The following TSPEAR variants were observed in gnomAD, a reference collection of about 807,000 sequenced individuals.
The protein encoded by TSPEAR is thrombospondin type laminin G domain and EAR repeats, also known as thrombospondin-type laminin G domain and EAR repeat-containing protein.
A neutral mutation model predicts 71.6 loss-of-function variants in TSPEAR; 69 were observed. The observed-to-expected ratio is 0.96, with a 90% CI of 0.79 to 1.18. TSPEAR has a LOEUF of 1.18. Among genes scored for constraint, TSPEAR ranks in the 50% most tolerant of loss-of-function variants. The pLI, the probability that TSPEAR is intolerant of heterozygous loss-of-function variation, is 0.00. For missense variants in TSPEAR, 971 were observed against 894.9 expected (o/e 1.09, Z -1.09); for synonymous variants, 402 against 387.2 (o/e 1.04, Z -0.45).
chr21:44,521,943 CT>C lies in TSPEAR; in HGVS notation c.1505del (p.Lys502ArgfsTer67), dbSNP rs587690535. ...GTCGGATGTAGAGGTGCGAGTGCAC[CT>C]TGGTGGAGGTGCCGTTGAAGGTGTT... Reference protein sequence around the residue: ...VANTFNGTSTKVHSHLYIRLL... With the variant: ...VANTFNGTSTXVHSHLYIRLL... On this transcript the variant is annotated frameshift_variant, in exon 9 of 12. Transcript: ENST00000323084. LOFTEE classifies it high-confidence loss of function. 9.3e-6 allele frequency: 15 copies of C among 1,614,076 alleles called. No individual in the cohort carries two copies. The Admixed American group carries it at 2.5e-4, about 27-fold the overall frequency.
intron 2 of TSPEAR, among the ~76,000 whole-genome samples, chr21:44,557,525 G>C (rs587637575): frequency 2.6e-5 from 4 of 152,340 alleles, no homozygotes; most frequent in Non-Finnish European, 4.4e-5. Flanking sequence ...GAAGGAGAGA[G>C]GGGGAGGAGC....
intron 1 of TSPEAR, among the ~76,000 whole-genome samples, chr21:44,582,370 G>C (rs1187359059): frequency 6.6e-6 from 1 of 152,230 alleles, no homozygotes; most frequent in Non-Finnish European, 1.5e-5. Context: ...GCTCCCAGAA[G>C]AGTGCGTGCT....
chr21:44,544,910 T>C (rs2053276704), intron 2 of TSPEAR, among the ~76,000 whole-genome samples: 2 of 151,856 alleles, frequency 1.3e-5, no homozygotes, highest in Non-Finnish European at 2.9e-5. Flanking sequence ...TATATACATA[T>C]CTAATATCAG....
At chr21:44,564,976 G>GA (rs1367226972) in intron 2 of TSPEAR, among the ~76,000 whole-genome samples, 8 of 151,286 alleles carry the variant, frequency 5.3e-5, no homozygotes, top group African/African-American at 9.7e-5. Context: ...ATCAATAATA[G>GA]AAAAAAAACT....
chr21:44,688,917 C>T (rs1986984510), intron 1 of TSPEAR, among the ~76,000 whole-genome samples: 1 of 152,068 alleles, frequency 6.6e-6, no homozygotes, highest in African/African-American at 2.4e-5. Flanking sequence ...CCGAGGGGCA[C>T]CAGGCACAGT....
At position 44,689,739 on chromosome 21, in the gene TSPEAR, A is replaced by ATATTTTTTTTTTT. The variant is rs1555949531; in HGVS notation, c.82+21693_82+21694insAAAAAAAAAAATA. ...TATATATATATATATATATATATAT[A>ATATTTTTTTTTTT]TTTTGGGGGGGGTTACTAAGTATTA... On this transcript the variant is annotated intron_variant, in intron 1 of 11. Coordinates refer to ENST00000323084, the MANE Select transcript of TSPEAR (RefSeq NM_144991.3). Among the ~76,000 whole-genome samples the ATATTTTTTTTTTT allele has an allele frequency of 1.6e-5, 2 of 128,172 alleles. 1 individual carries two copies. The allele number at this position is 128,172 out of a possible 152,430, so 84.1% of individuals were successfully genotyped here.
Position 44,527,411 on chromosome 21 carries a change from T to C in TSPEAR, c.1030A>G (p.Thr344Ala). 3 of 1,614,244 alleles carry C rather than the reference T, an allele frequency of 1.9e-6. No individual in the cohort carries two copies. Among genetic ancestry groups the C allele is most frequent in the Non-Finnish European group, 2.5e-6 (3 of 1,180,046 alleles). The change falls in exon 7 of 12, where the codon ACA (threonine) becomes GCA (alanine). Residue 344 changes from threonine to alanine, a missense_variant. Transcript: ENST00000323084. ...RIPQVGLFVA[T>A]ANRKATSAVY... ...GCGGATGTGGCTTTGCGATTGGCTG[T>C]GGCCACAAAGAGCCCCACCTGAGGG...
At chr21:44,504,046 G>A (rs2052123360) in intron 11 of TSPEAR, among the ~76,000 whole-genome samples, 1 of 149,346 alleles carries the variant, frequency 6.7e-6, no homozygotes, top group South Asian at 2.1e-4. Flanking sequence ...GGCTCTGGGA[G>A]GAAGTTGGCC....
chr21:44,566,896 A>T (rs1404180216), intron 2 of TSPEAR, among the ~76,000 whole-genome samples: 1 of 152,252 alleles, frequency 6.6e-6, no homozygotes, highest in African/African-American at 2.4e-5. Flanking sequence ...TACCAAAAGT[A>T]TAAAACTCTT....
At chr21:44,693,647 ATTT>A (rs56891630) in intron 1 of TSPEAR, among the ~76,000 whole-genome samples, 70 of 151,202 alleles carry the variant, frequency 4.6e-4, no homozygotes, top group African/African-American at 7.7e-4. Flanking sequence ...GATGGCTGTA[ATTT>A]TTTTTTTTTA....
At chr21:44,592,600 G>A in intron 1 of TSPEAR, 5 of 1,469,022 alleles carry the variant, frequency 3.4e-6, no homozygotes, top group Middle Eastern at 2.2e-4. Flanking sequence ...CTTCCGTGTT[G>A]CCGAGAGCTG....
intron 1 of TSPEAR, among the ~76,000 whole-genome samples, chr21:44,706,284 C>T (rs1346298881): frequency 3.9e-5 from 6 of 152,352 alleles, no homozygotes; most frequent in Admixed American, 3.9e-4. Flanking sequence ...GGTTCTTCCG[C>T]GCAGCTGTGT....
chr21:44,564,306 A>G (rs1390210852), intron 2 of TSPEAR, among the ~76,000 whole-genome samples: 1 of 152,242 alleles, frequency 6.6e-6, no homozygotes, highest in African/African-American at 2.4e-5. Flanking sequence ...TTAAATGTAA[A>G]TAGATTAAAT....
intron 2 of TSPEAR, among the ~76,000 whole-genome samples, chr21:44,538,243 G>A (rs1472572573): frequency 3.3e-5 from 5 of 152,154 alleles, no homozygotes; most frequent in South Asian, 2.1e-4. Context: ...AGCCCCATGC[G>A]CTGCCTGATC....
intron 1 of TSPEAR, among the ~76,000 whole-genome samples, chr21:44,706,344 T>C (rs184633598): frequency 4.8e-4 from 73 of 150,920 alleles, no homozygotes; most frequent in Middle Eastern, 3.4e-3. Flanking sequence ...CACACCCCCA[T>C]GCACACGCAC....
chr21:44,600,617 C>A (rs782738565), intron 1 of TSPEAR: 1 of 1,610,784 alleles, frequency 6.2e-7, no homozygotes, highest in Non-Finnish European at 8.5e-7. Flanking sequence ...AGTTCAATCC[C>A]CAGCATGGCT....
intron 1 of TSPEAR, chr21:44,579,418 A>C: frequency 2.4e-6 from 1 of 414,090 alleles, no homozygotes; most frequent in South Asian, 3.5e-5. Flanking sequence ...CTGAGCTCAA[A>C]ACCATGTATC....
chr21:44,584,292 T>C (rs1332991161), intron 1 of TSPEAR, among the ~76,000 whole-genome samples: 1 of 152,222 alleles, frequency 6.6e-6, no homozygotes, highest in Non-Finnish European at 1.5e-5. Flanking sequence ...CTGAATCGTA[T>C]TCCATCGTGT....
rs1555915725 is a variant in TSPEAR, at chr21:44,531,110, G to C, written c.566C>G (p.Ala189Gly). 6.2e-7 allele frequency: 1 copy of C among 1,613,764 alleles called. No homozygotes were observed. Among genetic ancestry groups the C allele is most frequent in the East Asian group, 2.2e-5 (1 of 44,896 alleles). ...TCGAGCTCCTTTCACTGACAGGGTG[G>C]CTGGGAAGGGCACATCGGCCATTCT... ...VDIMADVPFP[A>G]TLSVKGARFF... Residue 189 changes from alanine to glycine, a missense_variant, in exon 4 of 12, where the codon GCC (alanine) becomes GGC (glycine). Transcript: ENST00000323084.
Sources: allele counts gnomAD v4.1 joint callset (sites outside exome capture counted in the v4.1 genomes callset), GRCh38; gene constraint gnomAD v4.1.1; transcripts MANE v1.5; gene names NCBI Gene and HGNC (gene_info 2026-07-23, HGNC 2026-07-21).